FRMD6: variants seen among roughly 807,000 people sequenced by gnomAD.
FRMD6 encodes the protein FERM domain-containing protein 6.
A neutral mutation model predicts 73.2 loss-of-function variants in FRMD6; 37 were observed. The observed-to-expected ratio is 0.51, with a 90% confidence interval of 0.39 to 0.66. The LOEUF is 0.66. Ranked by LOEUF, FRMD6 falls within the 30% of genes least tolerant of loss-of-function variation. The pLI is 0.00. For synonymous variants in FRMD6, 273 were observed against 282.2 expected, an observed-to-expected ratio of 0.97 and a Z score of 0.33; for missense variants, 714 against 780.5, an observed-to-expected ratio of 0.91 and a Z score of 1.02.
intron 12 of FRMD6, chr14:51,723,965 A>G (rs1007963690): frequency 2.0e-5 from 3 of 152,186 alleles, no homozygotes; most frequent in Admixed American, 6.5e-5. Flanking sequence ...TTAAAAACGT[A>G]AAACTATTAA....
At chr14:51,621,131 C>T (rs1431286251) in intron 2 of FRMD6, among the ~76,000 whole-genome samples, 1 of 151,580 alleles carries the variant, frequency 6.6e-6, no homozygotes, top group Non-Finnish European at 1.5e-5. Context: ...TCAGAGGAAG[C>T]TGCCTTTTAA....
At chr14:51,725,660 C>T in intron 12 of FRMD6, 119 bp from the exon 13 acceptor site, 1 of 714,916 alleles carries the variant, frequency 1.4e-6, no homozygotes, top group Non-Finnish European at 2.4e-6. Context: ...CACAGTGAAA[C>T]TTTTTGGTAA....
intron 1 of FRMD6, among the ~76,000 whole-genome samples, chr14:51,657,011 GAATT>G (rs780771016): frequency 6.6e-6 from 1 of 151,998 alleles, no homozygotes; most frequent in African/African-American, 2.4e-5. Flanking sequence ...ACAATATTTT[GAATT>G]AATTTATAGC....
At chr14:51,571,376 G>T (rs1424835726) in intron 2 of FRMD6, among the ~76,000 whole-genome samples, 2 of 152,130 alleles carry the variant, frequency 1.3e-5, no homozygotes, top group African/African-American at 4.8e-5. Flanking sequence ...AAGGATTTAT[G>T]TTGTCACACA....
At chr14:51,474,818 G>A in the FRMD6 span, among the ~76,000 whole-genome samples, 4 of 152,218 alleles carry the variant, frequency 2.6e-5, no homozygotes, top group Admixed American at 6.5e-5. Flanking sequence ...TGTTCACAGC[G>A]TGACTCATTT....
intron 7 of FRMD6, among the ~76,000 whole-genome samples, chr14:51,710,139 TTTAC>T (rs1257407147): frequency 6.6e-6 from 1 of 152,178 alleles, no homozygotes; most frequent in Non-Finnish European, 1.5e-5. Flanking sequence ...AATTTTCAAG[TTTAC>T]TTAAAGTATG....
intron 2 of FRMD6, among the ~76,000 whole-genome samples, chr14:51,581,095 C>T (rs1260543248): frequency 1.3e-5 from 2 of 152,156 alleles, no homozygotes; most frequent in Non-Finnish European, 2.9e-5. Context: ...ACCAATGTGG[C>T]CCCAGAGTCT....
chr14:51,530,782 C>T (rs1596546185), intron 1 of FRMD6, among the ~76,000 whole-genome samples: 4 of 152,190 alleles, frequency 2.6e-5, no homozygotes, highest in Middle Eastern at 3.4e-3. Context: ...CCACCATACC[C>T]GGCTGCAAGA....
chr14:51,503,214 C>G (rs1883719826), intron 1 of FRMD6, among the ~76,000 whole-genome samples: 1 of 152,136 alleles, frequency 6.6e-6, no homozygotes, highest in Non-Finnish European at 1.5e-5. Flanking sequence ...ATTGCCCTGG[C>G]CAGAACTTCC....
At chr14:51,550,777 G>A (rs1187781762) in intron 1 of FRMD6, among the ~76,000 whole-genome samples, 1 of 152,186 alleles carries the variant, frequency 6.6e-6, no homozygotes, top group Non-Finnish European at 1.5e-5. Flanking sequence ...ACATTGTACA[G>A]TGCGTGACAG....
intron 2 of FRMD6, among the ~76,000 whole-genome samples, chr14:51,695,978 CAG>C (rs1042231082): frequency 3.3e-5 from 5 of 151,866 alleles, no homozygotes; most frequent in African/African-American, 9.7e-5. Context: ...GTCATTAATT[CAG>C]AGTTAATTTT....
chr14:51,585,943 A>G (rs776347672), intron 2 of FRMD6, among the ~76,000 whole-genome samples: 5,950 of 20,380 alleles, frequency 0.29, 894 homozygotes, highest in Middle Eastern at 0.48. Context: ...GTGTGTGTAT[A>G]TATATATATA....
intron 2 of FRMD6, among the ~76,000 whole-genome samples, chr14:51,585,096 G>A (rs1441639224): frequency 6.6e-6 from 1 of 152,184 alleles, no homozygotes; most frequent in East Asian, 1.9e-4. Flanking sequence ...ATAGTTTCAG[G>A]GCGTTCTGTC....
At chr14:51,484,048 G>GA in the FRMD6 span, among the ~76,000 whole-genome samples, 1 of 152,152 alleles carries the variant, frequency 6.6e-6, no homozygotes, top group Non-Finnish European at 1.5e-5. Context: ...TTGAGGTCTA[G>GA]AAAAGCACCT....
intron 1 of FRMD6, among the ~76,000 whole-genome samples, chr14:51,685,854 A>G (rs914458987): frequency 4.6e-5 from 7 of 152,230 alleles, no homozygotes; most frequent in African/African-American, 1.7e-4. Flanking sequence ...GCAAATAAAT[A>G]TTACCGTACT....
At chr14:51,509,249 T>A (rs1884147748) in intron 1 of FRMD6, among the ~76,000 whole-genome samples, 1 of 152,120 alleles carries the variant, frequency 6.6e-6, no homozygotes. Context: ...CATAGCCAGG[T>A]GCAGTGGCTC....
At chr14:51,603,541 G>C (rs184347614) in intron 2 of FRMD6, among the ~76,000 whole-genome samples, 1 of 151,982 alleles carries the variant, frequency 6.6e-6, no homozygotes, top group African/African-American at 2.4e-5. Flanking sequence ...ACTTTCCTTT[G>C]ATACTAGAGA....
chr14:51,696,663 G>C (rs2140413074), intron 2 of FRMD6, among the ~76,000 whole-genome samples: 1 of 151,786 alleles, frequency 6.6e-6, no homozygotes, highest in African/African-American at 2.4e-5. Context: ...TGTAATCCCA[G>C]CGCTTTGGGA....
the FRMD6 span, among the ~76,000 whole-genome samples, chr14:51,397,648 C>T: frequency 1.3e-5 from 2 of 152,142 alleles, no homozygotes; most frequent in Non-Finnish European, 2.9e-5. Context: ...AGGTTGAACA[C>T]CTGTAATCTC....
Sources: gnomAD v4.1 joint callset for allele counts (sites outside exome capture counted in the v4.1 genomes callset) on GRCh38, gnomAD v4.1.1 for gene constraint, MANE v1.5 for transcripts, NCBI Gene and HGNC (gene_info 2026-07-23, HGNC 2026-07-21) for gene names.